TNFSF4: variants seen among roughly 807,000 people sequenced by gnomAD.
TNFSF4 encodes TNF superfamily member 4.
Under a neutral mutation model 7.3 loss-of-function variants are expected in TNFSF4, and 4 were observed. The observed-to-expected ratio is 0.55, with a 90% CI of 0.27 to 1.25. The LOEUF (loss-of-function observed/expected upper bound fraction) is 1.25, where lower values mean the gene tolerates loss of function less well. Among genes scored for constraint, TNFSF4 ranks in the 50% most tolerant of loss-of-function variants. The pLI is 0.12. For synonymous variants in TNFSF4, 76 were observed against 83.7 expected (o/e 0.91, Z 0.50); for missense variants, 181 against 208.8 (o/e 0.87, Z 0.82).
chr1:173,255,770 G>T, the TNFSF4 span, among the ~76,000 whole-genome samples: 1 of 152,176 alleles, frequency 6.6e-6, no homozygotes, highest in Non-Finnish European at 1.5e-5. Context: ...CCATCTCTTT[G>T]CTTTGCTTTG....
the TNFSF4 span, among the ~76,000 whole-genome samples, chr1:173,321,400 T>C: frequency 6.6e-6 from 1 of 152,122 alleles, no homozygotes; most frequent in African/African-American, 2.4e-5. Context: ...GGCAATACCA[T>C]TCAGGACATA....
At chr1:173,374,905 A>G in the TNFSF4 span, among the ~76,000 whole-genome samples, 1 of 152,190 alleles carries the variant, frequency 6.6e-6, no homozygotes, top group African/African-American at 2.4e-5. Context: ...CAGTTTATGT[A>G]CCTCATTATC....
chr1:173,197,888 A>G (rs1328234597), intron 1 of TNFSF4, among the ~76,000 whole-genome samples: 1 of 152,232 alleles, frequency 6.6e-6, no homozygotes, highest in East Asian at 1.9e-4. Flanking sequence ...ATAAATGTGC[A>G]GCTTTAGTTT....
At chr1:173,188,705 T>TTTGTTG (rs776294069) in intron 1 of TNFSF4, 136 bp from the exon 2 acceptor site, 16 of 727,370 alleles carry the variant, frequency 2.2e-5, no homozygotes, top group East Asian at 2.1e-4. Flanking sequence ...ACTTGACTTT[T>TTTGTTG]TTGTTGTTGT....
chr1:173,406,497 T>C, the TNFSF4 span, among the ~76,000 whole-genome samples: 1 of 152,192 alleles, frequency 6.6e-6, no homozygotes, highest in East Asian at 1.9e-4. Flanking sequence ...CCATGAGTCC[T>C]AGGCACTTTT....
chr1:173,394,921 G>T, the TNFSF4 span, among the ~76,000 whole-genome samples: 1 of 148,674 alleles, frequency 6.7e-6, no homozygotes, highest in Non-Finnish European at 1.5e-5. Context: ...GATAGATAGA[G>T]ATAGATAGAT....
the TNFSF4 span, among the ~76,000 whole-genome samples, chr1:173,448,919 T>C: frequency 6.6e-6 from 1 of 152,164 alleles, no homozygotes; most frequent in African/African-American, 2.4e-5. Context: ...GAAACATATC[T>C]AGTAAATCTC....
the TNFSF4 span, among the ~76,000 whole-genome samples, chr1:173,434,051 A>G: frequency 6.6e-6 from 1 of 152,324 alleles, no homozygotes; most frequent in Admixed American, 6.5e-5. Flanking sequence ...GCTAAGGGAG[A>G]AACATGAAAC....
chr1:173,318,207 A>C, the TNFSF4 span, among the ~76,000 whole-genome samples: 4 of 152,130 alleles, frequency 2.6e-5, no homozygotes, highest in Admixed American at 2.0e-4. Context: ...TTGGGAGGCC[A>C]AGGGGGGTGG....
chr1:173,431,584 C>A, the TNFSF4 span, among the ~76,000 whole-genome samples: 5 of 152,362 alleles, frequency 3.3e-5, no homozygotes, highest in Admixed American at 6.5e-5. Context: ...AGCTTTCTCC[C>A]CCAGGGGAAA....
chr1:173,363,247 T>C, the TNFSF4 span: 1 of 293,260 alleles, frequency 3.4e-6, no homozygotes, highest in Non-Finnish European at 6.9e-6. Context: ...TAGGGAAACC[T>C]GTTTCTCTAA....
At chr1:173,206,451 G>T (rs1650192064) in intron 1 of TNFSF4, among the ~76,000 whole-genome samples, 1 of 152,170 alleles carries the variant, frequency 6.6e-6, no homozygotes, top group South Asian at 2.1e-4. Flanking sequence ...ATTATGACTG[G>T]AAGAGATAGA....
At chr1:173,445,448 C>T in the TNFSF4 span, among the ~76,000 whole-genome samples, 9 of 152,108 alleles carry the variant, frequency 5.9e-5, no homozygotes, top group Admixed American at 5.9e-4. Context: ...GAAAGGAATC[C>T]TTGCATTCTC....
the TNFSF4 span, among the ~76,000 whole-genome samples, chr1:173,337,715 A>G: frequency 2.0e-5 from 3 of 152,230 alleles, no homozygotes; most frequent in Non-Finnish European, 4.4e-5. Context: ...GTTTGAATGA[A>G]GAAATGGCCA....
the TNFSF4 span, among the ~76,000 whole-genome samples, chr1:173,392,989 G>C: frequency 6.6e-6 from 1 of 152,126 alleles, no homozygotes; most frequent in East Asian, 1.9e-4. Flanking sequence ...AGAGCCTAAA[G>C]GGAATGAATG....
the TNFSF4 span, among the ~76,000 whole-genome samples, chr1:173,375,856 C>T: frequency 6.6e-6 from 1 of 152,094 alleles, no homozygotes; most frequent in Non-Finnish European, 1.5e-5. Context: ...AACTTTACTA[C>T]CACTCACTCT....
At chr1:173,338,463 T>C in the TNFSF4 span, among the ~76,000 whole-genome samples, 2 of 151,970 alleles carry the variant, frequency 1.3e-5, no homozygotes, top group African/African-American at 4.8e-5. Context: ...TACCCCACCA[T>C]CTTGAAAGAG....
chr1:173,279,769 CCCAG>C, the TNFSF4 span, among the ~76,000 whole-genome samples: 5 of 152,102 alleles, frequency 3.3e-5, no homozygotes, highest in Admixed American at 3.3e-4. Flanking sequence ...TCTCTCATTT[CCCAG>C]TGCTACTACC....
chr1:173,337,406 G>A, the TNFSF4 span, among the ~76,000 whole-genome samples: 14 of 152,096 alleles, frequency 9.2e-5, no homozygotes, highest in Non-Finnish European at 2.1e-4. Flanking sequence ...TAAATATGAG[G>A]TCAGGCCCAA....
Sources: allele counts gnomAD v4.1 joint callset (sites outside exome capture counted in the v4.1 genomes callset), GRCh38; gene constraint gnomAD v4.1.1; transcripts MANE v1.5; gene names NCBI Gene and HGNC (gene_info 2026-07-23, HGNC 2026-07-21).